Variants in CNTN6 observed in about 807,000 individuals in gnomAD.
CNTN6 encodes contactin 6.
A neutral mutation model predicts 122.8 loss-of-function variants in CNTN6; 137 were observed. The ratio of observed to expected loss-of-function variants is 1.12; its 90% CI spans 0.97 to 1.29. The LOEUF is 1.29. Ranked by LOEUF, CNTN6 falls within the 50% of genes most tolerant of loss-of-function variation. The probability of loss-of-function intolerance (pLI) is 0.00; values close to 1 mark genes in which losing one functional copy is unlikely to be tolerated. For synonymous variants in CNTN6, 570 were observed against 426.0 expected (o/e 1.34, Z -4.16); for missense variants, 1,634 against 1,223.4 (o/e 1.34, Z -5.01).
At chr3:1,120,774 G>C (rs879394991) in intron 1 of CNTN6, among the ~76,000 whole-genome samples, 1 of 151,786 alleles carries the variant, frequency 6.6e-6, no homozygotes, top group Non-Finnish European at 1.5e-5. Context: ...TTTACTCTGT[G>C]ATCTATTTAA....
At chr3:1,383,555 G>A in intron 19 of CNTN6, 147 bp downstream of exon 19, 2 of 625,934 alleles carry the variant, frequency 3.2e-6, no homozygotes, top group Admixed American at 2.9e-5. Flanking sequence ...TTGAGACAGG[G>A]TAGGTGAGCC....
At chr3:1,234,177 C>G (rs1415444642) in intron 4 of CNTN6, among the ~76,000 whole-genome samples, 2 of 152,142 alleles carry the variant, frequency 1.3e-5, no homozygotes, top group Admixed American at 6.5e-5. Context: ...GAATTTCTAA[C>G]ATTTCCTTCT....
intron 7 of CNTN6, among the ~76,000 whole-genome samples, chr3:1,314,887 G>A (rs1189184745): frequency 6.6e-6 from 1 of 152,022 alleles, no homozygotes; most frequent in East Asian, 1.9e-4. Flanking sequence ...CTTTTGCAAT[G>A]CTCCTTTTGA....
chr3:1,312,347 T>C (rs1338832488), intron 7 of CNTN6, among the ~76,000 whole-genome samples: 1 of 152,018 alleles, frequency 6.6e-6, no homozygotes, highest in Non-Finnish European at 1.5e-5. Context: ...TGTATATTTC[T>C]GGAAGCAACT....
chr3:1,107,350 T>C (rs2091274649), intron 1 of CNTN6, among the ~76,000 whole-genome samples: 2 of 152,130 alleles, frequency 1.3e-5, no homozygotes, highest in African/African-American at 4.8e-5. Flanking sequence ...ATTTGAAGAA[T>C]AAATTTTAAG....
intron 12 of CNTN6, among the ~76,000 whole-genome samples, chr3:1,369,726 G>T (rs186608469): frequency 3.3e-5 from 5 of 151,650 alleles, no homozygotes; most frequent in Non-Finnish European, 5.9e-5. Flanking sequence ...AACACATCCA[G>T]TTAGCCAACT....
intron 16 of CNTN6, among the ~76,000 whole-genome samples, chr3:1,374,829 A>G (rs1201204873): frequency 6.6e-6 from 1 of 152,142 alleles, no homozygotes. Flanking sequence ...TCAGAAGTCA[A>G]TAAATCAATC....
intron 4 of CNTN6, among the ~76,000 whole-genome samples, chr3:1,271,607 T>C (rs3772326): frequency 0.16 from 25,026 of 151,854 alleles, 2,352 homozygotes; most frequent in South Asian, 0.31. Context: ...CAGGGAGAGA[T>C]GTAAGGGTGG....
At position 1,200,656 on chromosome 3, in the gene CNTN6, A is replaced by G. The variant is rs565323470; in HGVS notation, c.56-20031A>G. Among the ~76,000 whole-genome samples the G allele has an allele frequency of 6.6e-5, 10 of 152,316 alleles. No homozygotes were observed. In the East Asian group the frequency reaches 1.7e-3, roughly 26 times the overall value. On this transcript the variant is annotated intron_variant, in intron 2 of 22. Transcript: ENST00000446702. ...CATGACATGCATATGTGTATACAGA[A>G]TTTGGACATGTTTTCCAAATTGTAA...
intron 1 of CNTN6, among the ~76,000 whole-genome samples, chr3:1,143,636 C>T (rs2092662294): frequency 6.6e-6 from 1 of 152,128 alleles, no homozygotes. Flanking sequence ...TGTCATTGAG[C>T]CAGAGTATTC....
chr3:1,185,148 A>C (rs12633163), intron 2 of CNTN6, among the ~76,000 whole-genome samples: 26,670 of 152,096 alleles, frequency 0.18, 3,014 homozygotes, highest in East Asian at 0.51. Context: ...ATTTTTAGCT[A>C]ATAAGAAACT....
intron 1 of CNTN6, among the ~76,000 whole-genome samples, chr3:1,103,082 G>C (rs111361018): frequency 1.1e-4 from 16 of 152,120 alleles, no homozygotes; most frequent in African/African-American, 3.6e-4. Context: ...CTCCAGCCTG[G>C]GCGACAGAGC....
At chr3:1,145,955 T>A (rs977968474) in intron 1 of CNTN6, among the ~76,000 whole-genome samples, 1 of 152,154 alleles carries the variant, frequency 6.6e-6, no homozygotes, top group African/African-American at 2.4e-5. Context: ...TGGTAATATT[T>A]AAATGAGTAG....
chr3:1,274,414 G>T lies in CNTN6; in HGVS notation c.359-3999G>T, dbSNP rs118168763. Among the ~76,000 whole-genome samples the T allele has an allele frequency of 1.4e-4, 21 of 152,326 alleles. No homozygotes were observed. In the East Asian group the frequency reaches 3.5e-3, roughly 25 times the overall value. On this transcript the variant is annotated intron_variant, in intron 4 of 22. Coordinates refer to ENST00000446702, the MANE Select transcript of CNTN6 (RefSeq NM_001289080.2). ...AATTAGTATAAAGCTAATGACTGCT[G>T]ATTGAGAGCAGGTGGAGAACGGGAA...
chr3:1,103,896 T>C (rs185494294), intron 1 of CNTN6, among the ~76,000 whole-genome samples: 5 of 152,314 alleles, frequency 3.3e-5, no homozygotes, highest in Non-Finnish European at 5.9e-5. Context: ...TGATTTTTTT[T>C]CTACATGAAA....
At chr3:1,201,397 T>C (rs17493915) in intron 2 of CNTN6, among the ~76,000 whole-genome samples, 16,321 of 152,160 alleles carry the variant, frequency 0.11, 941 homozygotes, top group Non-Finnish European at 0.13. Flanking sequence ...AAAATTAGCT[T>C]TTTTTTCTCA....
intron 4 of CNTN6, among the ~76,000 whole-genome samples, chr3:1,255,032 A>G (rs2094730309): frequency 2.0e-5 from 3 of 152,098 alleles, no homozygotes; most frequent in South Asian, 4.1e-4. Context: ...AACTGCAGTG[A>G]TTTATTTCTT....
intron 2 of CNTN6, among the ~76,000 whole-genome samples, chr3:1,217,187 C>T (rs1329134332): frequency 6.6e-6 from 1 of 152,184 alleles, no homozygotes; most frequent in Non-Finnish European, 1.5e-5. Flanking sequence ...TAACCAGTAG[C>T]TCTATGGTCT....
At chr3:1,281,991 C>T (rs1332799982) in intron 5 of CNTN6, among the ~76,000 whole-genome samples, 1 of 151,410 alleles carries the variant, frequency 6.6e-6, no homozygotes, top group Non-Finnish European at 1.5e-5. Context: ...TATACACACA[C>T]ACACACACAC....
Sources: allele counts gnomAD v4.1 joint callset (sites outside exome capture counted in the v4.1 genomes callset), GRCh38; gene constraint gnomAD v4.1.1; transcripts MANE v1.5; gene names NCBI Gene and HGNC (gene_info 2026-07-23, HGNC 2026-07-21).